Variants in N4BP1 observed in about 807,000 individuals in gnomAD.
N4BP1 encodes the protein NEDD4-binding protein 1.
A neutral mutation model predicts 70.9 loss-of-function variants in N4BP1; 21 were observed. The ratio of observed to expected loss-of-function variants is 0.30; its 90% CI spans 0.21 to 0.43. The LOEUF (loss-of-function observed/expected upper bound fraction) is 0.43, where lower values mean the gene tolerates loss of function less well. Ranked by LOEUF, N4BP1 falls within the 20% of genes least tolerant of loss-of-function variation. The probability of loss-of-function intolerance (pLI) is 1.00; values close to 1 mark genes in which losing one functional copy is unlikely to be tolerated. For synonymous variants in N4BP1, 387 were observed against 394.6 expected (o/e 0.98, Z 0.23); for missense variants, 936 against 1,069.4 (o/e 0.88, Z 1.74).
intron 3 of N4BP1, among the ~76,000 whole-genome samples, chr16:48,552,699 GAAAAAAAAAAAAAAAAAAAAAAAA>G (rs71134556): frequency 2.8e-3 from 51 of 18,506 alleles, no homozygotes; most frequent in Admixed American, 5.6e-3. Flanking sequence ...CTCCGTCTCA[GAAAAAAAAAAAAAAAAAAAAAAAA>G]AAAAAAAAAA....
intron 1 of N4BP1, among the ~76,000 whole-genome samples, chr16:48,573,932 T>C (rs1174592414): frequency 1.3e-5 from 2 of 152,290 alleles, no homozygotes; most frequent in East Asian, 3.9e-4. Flanking sequence ...CCTTCATCCT[T>C]ACCTTCACTT....
At chr16:48,601,706 TG>T (rs1964502896) in intron 1 of N4BP1, among the ~76,000 whole-genome samples, 1 of 122,190 alleles carries the variant, frequency 8.2e-6, no homozygotes, top group Non-Finnish European at 1.6e-5. Context: ...AAAGGTTTTT[TG>T]TGGTTTTTTT....
At chr16:48,585,429 G>A (rs1363480080) in intron 1 of N4BP1, among the ~76,000 whole-genome samples, 1 of 151,362 alleles carries the variant, frequency 6.6e-6, no homozygotes, top group Non-Finnish European at 1.5e-5. Context: ...TTGAGCCCAG[G>A]AGCTCAAGAC....
At chr16:48,601,950 C>T (rs1257635470) in intron 1 of N4BP1, among the ~76,000 whole-genome samples, 3 of 152,224 alleles carry the variant, frequency 2.0e-5, no homozygotes, top group South Asian at 2.1e-4. Context: ...TGGCCAGGTG[C>T]AGTGGCTCAT....
chr16:48,601,895 C>A (rs974510627), intron 1 of N4BP1, among the ~76,000 whole-genome samples: 1 of 151,994 alleles, frequency 6.6e-6, no homozygotes, highest in African/African-American at 2.4e-5. Context: ...TTTCTTTAAG[C>A]CAAAAAAACT....
intron 2 of N4BP1, chr16:48,560,508 A>G (rs913343742): frequency 2.3e-6 from 1 of 443,076 alleles, no homozygotes; most frequent in Non-Finnish European, 4.0e-6. Context: ...ACGTGAAAAG[A>G]TAATTTTCTA....
At chr16:48,590,344 G>A (rs575814201) in intron 1 of N4BP1, among the ~76,000 whole-genome samples, 2 of 152,248 alleles carry the variant, frequency 1.3e-5, no homozygotes, top group East Asian at 3.9e-4. Flanking sequence ...CCTGAACGCT[G>A]GGGGAGAGGG....
In N4BP1 at chr16:48,561,821, C is replaced by T. The variant is rs1963862177; in HGVS notation, c.822G>A (p.Glu274=). 1 of 1,613,722 alleles carries T rather than the reference C, an allele frequency of 6.2e-7. No homozygotes were observed. Among genetic ancestry groups the T allele is most frequent in the Non-Finnish European group, 8.5e-7 (1 of 1,179,880 alleles). Residue 274 remains glutamate (E), a synonymous_variant, in exon 2 of 7, where the codon GAG becomes GAA. Coordinates refer to ENST00000262384, the MANE Select transcript of N4BP1 (RefSeq NM_153029.4). ...GACAAATTCTCTCATTGGAAAGTGC[C>T]TCTTCATCTGGGGTTAGACCATTTA... ...DPINGLTPDE[E]ALSNERICQK... is the part of the protein sequence containing the mutation.
chr16:48,559,699 AC>A (rs1487468388), intron 2 of N4BP1: 6 of 152,230 alleles, frequency 3.9e-5, no homozygotes, highest in African/African-American at 1.4e-4. Context: ...GCAAATGCCA[AC>A]CCGTAGGTAA....
chr16:48,604,015 A>T lies in N4BP1; in HGVS notation c.198+5760T>A, dbSNP rs142827405. On this transcript the variant is annotated intron_variant, in intron 1 of 6. Transcript: ENST00000262384. Reference sequence around the variant, plus strand: ...CTGGCTTCACAAACCTCTTGAGTGGAGGAAAACATTACCTACTTGAGAGTT... The same window carrying T: ...CTGGCTTCACAAACCTCTTGAGTGGTGGAAAACATTACCTACTTGAGAGTT... 2.0e-4 allele frequency among the ~76,000 whole-genome samples: 31 copies of T among 152,308 alleles called. 1 individual carries two copies. In the East Asian group the frequency reaches 5.8e-3, roughly 28 times the overall value.
intron 1 of N4BP1, among the ~76,000 whole-genome samples, chr16:48,592,627 C>G (rs760575723): frequency 6.6e-6 from 1 of 152,160 alleles, no homozygotes; most frequent in Non-Finnish European, 1.5e-5. Context: ...GTCAGAAAAA[C>G]TAAAACTAAT....
chr16:48,561,588 T>A lies in N4BP1; in HGVS notation c.1055A>T (p.Asn352Ile). The A allele has an allele frequency of 6.2e-7, 1 of 1,613,890 alleles. No individual in the cohort carries two copies. The highest frequency in any genetic ancestry group is 2.2e-5 in the East Asian group (1 of 44,876). ...TEEMEYNILV[N>I]FFKTMGYSQE... Reference sequence around the variant, plus strand: ...GGAGTAGCCCATGGTTTTAAAAAAGTTTACGAGGATGTTGTATTCCATTTC... The same window carrying A: ...GGAGTAGCCCATGGTTTTAAAAAAGATTACGAGGATGTTGTATTCCATTTC... Residue 352 changes from asparagine (N) to isoleucine (I), a missense_variant, in exon 2 of 7, where the codon AAC (asparagine) becomes ATC (isoleucine). Coordinates refer to ENST00000262384, the MANE Select transcript of N4BP1 (RefSeq NM_153029.4).
At chr16:48,571,961 G>C (rs572785483) in intron 1 of N4BP1, among the ~76,000 whole-genome samples, 1 of 152,282 alleles carries the variant, frequency 6.6e-6, no homozygotes, top group South Asian at 2.1e-4. Flanking sequence ...CACTTTTGGA[G>C]GCTGAGGTAG....
At position 48,590,173 on chromosome 16, in the gene N4BP1, C is replaced by A. The variant is rs182792705; in HGVS notation, c.198+19602G>T. On this transcript the variant is annotated intron_variant, in intron 1 of 6. Coordinates refer to ENST00000262384, the MANE Select transcript of N4BP1 (RefSeq NM_153029.4). ...ACTCAATGAATCAGCTGACACCACC[C>A]AGATCCATATTCTGGCTCAACCAAT... 3.3e-3 allele frequency among the ~76,000 whole-genome samples: 501 copies of A among 152,214 alleles called. 3 individuals are homozygous for A. Among genetic ancestry groups the A allele is most frequent in the African/African-American group, 0.011 (464 of 41,508 alleles).
At chr16:48,570,830 C>T (rs1014962916) in intron 1 of N4BP1, among the ~76,000 whole-genome samples, 1 of 151,812 alleles carries the variant, frequency 6.6e-6, no homozygotes, top group Non-Finnish European at 1.5e-5. Context: ...TCTTGCTAAA[C>T]TTTTTTTGAG....
rs77057618 is a variant in N4BP1 at position 48,567,615 on chromosome 16, G to A, written c.199-5171C>T. On this transcript the variant is annotated intron_variant, in intron 1 of 6. Coordinates refer to ENST00000262384, the MANE Select transcript of N4BP1 (RefSeq NM_153029.4). ...ATTACAGGTGAGAGCCACCATGCTC[G>A]GCCCCTACTGCATTTTTATCTATAT... 1.2e-4 allele frequency among the ~76,000 whole-genome samples: 19 copies of A among 152,188 alleles called. No individual in the cohort carries two copies. In the East Asian group the frequency reaches 3.1e-3, roughly 25 times the overall value.
chr16:48,563,341 C>T (rs117430240), intron 1 of N4BP1, among the ~76,000 whole-genome samples: 3,773 of 151,388 alleles, frequency 0.025, 70 homozygotes, highest in Middle Eastern at 0.085. Context: ...GGCCAAAGAG[C>T]GGGACCCTAT....
At chr16:48,576,367 A>G (rs1964093497) in intron 1 of N4BP1, among the ~76,000 whole-genome samples, 1 of 152,108 alleles carries the variant, frequency 6.6e-6, no homozygotes, top group African/African-American at 2.4e-5. Context: ...TATGAAGTTC[A>G]TTCCTGGAAG....
chr16:48,609,737 C>G, intron 1 of N4BP1, 38 bp downstream of exon 1: 2 of 1,309,146 alleles, frequency 1.5e-6, no homozygotes, highest in South Asian at 2.0e-5. Context: ...CCGGACCGAT[C>G]GAGGCCGCGG....
Sources: gnomAD v4.1 joint callset for allele counts (sites outside exome capture counted in the v4.1 genomes callset) on GRCh38, gnomAD v4.1.1 for gene constraint, MANE v1.5 for transcripts, NCBI Gene and HGNC (gene_info 2026-07-23, HGNC 2026-07-21) for gene names.